Variants in AOAH observed in about 807,000 individuals in gnomAD.
AOAH encodes the protein acyloxyacyl hydrolase (neutrophil).
In AOAH, 64 loss-of-function variants were observed where a neutral mutation model predicts 92.2. That is an observed-to-expected ratio of 0.69 (90% CI 0.57 to 0.86). The LOEUF (loss-of-function observed/expected upper bound fraction) is 0.86. Among genes scored for constraint, AOAH ranks in the 40% least tolerant of loss-of-function variants. AOAH has a pLI of 0.00. For missense variants in AOAH, 656 were observed against 694.6 expected, an observed-to-expected ratio of 0.94 and a Z score of 0.62; for synonymous variants, 263 against 254.5, an observed-to-expected ratio of 1.03 and a Z score of -0.32.
At chr7:36,723,489 G>A (rs752483125) in intron 1 of AOAH, among the ~76,000 whole-genome samples, 2 of 152,188 alleles carry the variant, frequency 1.3e-5, no homozygotes, top group Non-Finnish European at 2.9e-5. Context: ...TCCTTACTGT[G>A]TGCACATGCC....
chr7:36,602,479 T>G (rs1790686789), intron 11 of AOAH, among the ~76,000 whole-genome samples: 1 of 150,438 alleles, frequency 6.6e-6, no homozygotes. Flanking sequence ...GTGATTGAAC[T>G]TTTTTTTAGA....
At chr7:36,646,591 C>A (rs1299670193) in intron 4 of AOAH, among the ~76,000 whole-genome samples, 1 of 152,168 alleles carries the variant, frequency 6.6e-6, no homozygotes. Context: ...AACTAATGAC[C>A]GTAAACGTAG....
At chr7:36,693,058 A>AT (rs1464695446) in intron 1 of AOAH, among the ~76,000 whole-genome samples, 1 of 152,202 alleles carries the variant, frequency 6.6e-6, no homozygotes, top group Non-Finnish European at 1.5e-5. Context: ...GTCAGTGGGA[A>AT]TGGAAGAGTG....
At chr7:36,523,754 C>A (rs1784238952) in intron 19 of AOAH, among the ~76,000 whole-genome samples, 1 of 150,490 alleles carries the variant, frequency 6.6e-6, no homozygotes, top group East Asian at 2.0e-4. Context: ...CCAGACTGCC[C>A]TGCTGGCTGC....
At chr7:36,515,943 C>T (rs1223960345) in intron 20 of AOAH, among the ~76,000 whole-genome samples, 2 of 147,836 alleles carry the variant, frequency 1.4e-5, no homozygotes, top group Admixed American at 6.7e-5. Context: ...CACACCCCCA[C>T]ATCCCACACA....
At chr7:36,555,197 G>A (rs1311268864) in intron 13 of AOAH, among the ~76,000 whole-genome samples, 1 of 151,256 alleles carries the variant, frequency 6.6e-6, no homozygotes, top group East Asian at 1.9e-4. Flanking sequence ...AGCATGAAGG[G>A]TTGTTGAATT....
intron 13 of AOAH, among the ~76,000 whole-genome samples, chr7:36,560,248 G>GT (rs1426910220): frequency 6.6e-6 from 1 of 152,112 alleles, no homozygotes; most frequent in Non-Finnish European, 1.5e-5. Flanking sequence ...TTTTAGAATA[G>GT]TTTTTTTATA....
intron 9 of AOAH, among the ~76,000 whole-genome samples, chr7:36,620,553 T>C (rs1792203426): frequency 6.6e-6 from 1 of 152,224 alleles, no homozygotes; most frequent in Non-Finnish European, 1.5e-5. Flanking sequence ...GTGGGTGACC[T>C]TAAGCAAGGC....
chr7:36,622,818 G>A (rs1792375086), intron 7 of AOAH, among the ~76,000 whole-genome samples: 1 of 152,206 alleles, frequency 6.6e-6, no homozygotes, highest in South Asian at 2.1e-4. Context: ...GGCCGAGGTG[G>A]ACAGATCACT....
intron 4 of AOAH, among the ~76,000 whole-genome samples, chr7:36,641,369 G>A (rs1225694883): frequency 6.6e-6 from 1 of 152,178 alleles, no homozygotes; most frequent in Non-Finnish European, 1.5e-5. Flanking sequence ...TTGCAGCGCT[G>A]AAGTCTTGTT....
intron 13 of AOAH, among the ~76,000 whole-genome samples, chr7:36,558,806 G>T (rs117007652): frequency 6.6e-6 from 1 of 152,258 alleles, no homozygotes; most frequent in Admixed American, 6.5e-5. Context: ...CTCCTGGTGC[G>T]CTGTTTCCTA....
intron 9 of AOAH, among the ~76,000 whole-genome samples, chr7:36,620,441 C>T (rs1442307726): frequency 1.3e-5 from 2 of 152,136 alleles, no homozygotes; most frequent in South Asian, 2.1e-4. Context: ...ATAAGGACAG[C>T]ATGTGGTTTG....
chr7:36,636,703 G>A (rs1372613726), intron 5 of AOAH, among the ~76,000 whole-genome samples: 1 of 151,972 alleles, frequency 6.6e-6, no homozygotes, highest in Non-Finnish European at 1.5e-5. Flanking sequence ...GTATTTATTG[G>A]CCTTGTTCAT....
intron 11 of AOAH, among the ~76,000 whole-genome samples, chr7:36,607,673 G>A (rs1791107645): frequency 6.6e-6 from 1 of 152,220 alleles, no homozygotes; most frequent in Non-Finnish European, 1.5e-5. Flanking sequence ...ACAATTTTAA[G>A]TAAAACTTCT....
intron 13 of AOAH, among the ~76,000 whole-genome samples, chr7:36,554,062 C>A (rs1583803610): frequency 6.6e-6 from 1 of 152,124 alleles, no homozygotes; most frequent in African/African-American, 2.4e-5. Context: ...CTTGCCCATG[C>A]CTATGTCATG....
chr7:36,569,167 G>A (rs558212936), intron 13 of AOAH, among the ~76,000 whole-genome samples: 70 of 152,302 alleles, frequency 4.6e-4, no homozygotes, highest in African/African-American at 1.5e-3. Flanking sequence ...AAAACATGCC[G>A]TTAGGCACTT....
At chr7:36,557,560 G>C (rs1786847810) in intron 13 of AOAH, among the ~76,000 whole-genome samples, 1 of 152,176 alleles carries the variant, frequency 6.6e-6, no homozygotes, top group Admixed American at 6.5e-5. Context: ...AGTTCTCCTG[G>C]ATAATATCCT....
intron 1 of AOAH, among the ~76,000 whole-genome samples, chr7:36,702,492 T>C (rs1798090279): frequency 1.3e-5 from 2 of 152,338 alleles, no homozygotes; most frequent in South Asian, 2.1e-4. Context: ...GGGTATATCT[T>C]GGAGATATTC....
intron 3 of AOAH, among the ~76,000 whole-genome samples, chr7:36,671,599 GTGTGTGTGTA>G (rs1795930822): frequency 1.5e-5 from 2 of 133,682 alleles, no homozygotes; most frequent in African/African-American, 7.1e-5. Context: ...GTGCTCATGC[GTGTGTGTGTA>G]TGTGTGTGTG....
Sources: gnomAD v4.1 joint callset for allele counts (sites outside exome capture counted in the v4.1 genomes callset) on GRCh38, gnomAD v4.1.1 for gene constraint, MANE v1.5 for transcripts, NCBI Gene and HGNC (gene_info 2026-07-23, HGNC 2026-07-21) for gene names.